The following SLCO3A1 variants were observed in gnomAD, a reference collection of about 807,000 sequenced individuals.
SLCO3A1 encodes PGE1 transporter.
In SLCO3A1, 27 loss-of-function variants were observed where a neutral mutation model predicts 63.1. The observed-to-expected ratio is 0.43, with a 90% CI of 0.32 to 0.59. The LOEUF (loss-of-function observed/expected upper bound fraction) is 0.59, where lower values mean the gene tolerates loss of function less well. Ranked by LOEUF, SLCO3A1 falls within the 20% of genes least tolerant of loss-of-function variation. The pLI is 0.09. For synonymous variants in SLCO3A1, 473 were observed against 409.9 expected, an observed-to-expected ratio of 1.15 and a Z score of -1.86; for missense variants, 773 against 945.8, an observed-to-expected ratio of 0.82 and a Z score of 2.40.
intron 1 of SLCO3A1, among the ~76,000 whole-genome samples, chr15:91,906,131 T>C (rs1476214348): frequency 6.6e-6 from 1 of 152,120 alleles, no homozygotes; most frequent in Non-Finnish European, 1.5e-5. Context: ...TAGTGGAGAG[T>C]AAGTGTGTCA....
intron 2 of SLCO3A1, among the ~76,000 whole-genome samples, chr15:91,949,450 C>T (rs1435518748): frequency 6.6e-6 from 1 of 150,928 alleles, no homozygotes; most frequent in Non-Finnish European, 1.5e-5. Flanking sequence ...GTCAACATGG[C>T]GAAACCCCAT....
At chr15:92,002,946 C>T (rs1039797840) in intron 2 of SLCO3A1, among the ~76,000 whole-genome samples, 24 of 152,128 alleles carry the variant, frequency 1.6e-4, no homozygotes, top group Admixed American at 6.5e-4. Context: ...CATCCCAAGC[C>T]TCAATTCTCA....
At chr15:91,987,795 A>T (rs956087185) in intron 2 of SLCO3A1, among the ~76,000 whole-genome samples, 2 of 152,020 alleles carry the variant, frequency 1.3e-5, no homozygotes, top group African/African-American at 4.8e-5. Context: ...CTCAAATGAC[A>T]TTCTGACATT....
chr15:91,963,141 A>G (rs1900514074), intron 2 of SLCO3A1, among the ~76,000 whole-genome samples: 1 of 152,124 alleles, frequency 6.6e-6, no homozygotes, highest in African/African-American at 2.4e-5. Flanking sequence ...ACACCTGTTT[A>G]ATCCTAAATA....
chr15:92,085,876 T>C (rs1464489624), intron 2 of SLCO3A1, among the ~76,000 whole-genome samples: 5 of 152,224 alleles, frequency 3.3e-5, no homozygotes, highest in African/African-American at 1.2e-4. Context: ...GAGTTAACTT[T>C]GCTGTTTGGA....
intron 2 of SLCO3A1, among the ~76,000 whole-genome samples, chr15:91,924,430 C>T (rs546197918): frequency 6.6e-6 from 1 of 152,272 alleles, no homozygotes; most frequent in Non-Finnish European, 1.5e-5. Context: ...CAAACACACA[C>T]GGTAGCTTGC....
downstream of SLCO3A1, among the ~76,000 whole-genome samples, chr15:92,169,924 T>C (rs1189732359): frequency 6.6e-6 from 1 of 152,242 alleles, no homozygotes; most frequent in East Asian, 1.9e-4. Flanking sequence ...ATCCAGACAT[T>C]TCCATTTTTG....
chr15:91,959,723 CAAA>C (rs34759500), intron 2 of SLCO3A1, among the ~76,000 whole-genome samples: 23 of 71,990 alleles, frequency 3.2e-4, no homozygotes, highest in African/African-American at 1.2e-3. Flanking sequence ...GACTCCATCT[CAAA>C]AAAAAAAAAA....
At chr15:91,861,521 G>A (rs919038171) in intron 1 of SLCO3A1, among the ~76,000 whole-genome samples, 2 of 152,116 alleles carry the variant, frequency 1.3e-5, no homozygotes, top group Non-Finnish European at 2.9e-5. Context: ...CGGAATAGTT[G>A]GTCATTAGTA....
At position 92,016,267 on chromosome 15, in the gene SLCO3A1, TAG is replaced by T. The variant is rs1255157675; in HGVS notation, c.647-78612_647-78611del. On this transcript the variant is annotated intron_variant, in intron 2 of 9. Coordinates refer to ENST00000318445, the MANE Select transcript of SLCO3A1 (RefSeq NM_013272.4). ...TAGATAGATAGATTAGATAGATAGA[TAG>T]ATAGATAGATAGATGTTATAGATAT... 7.1e-5 allele frequency among the ~76,000 whole-genome samples: 6 copies of T among 85,026 alleles called. No individual in the cohort carries two copies. In the East Asian group the frequency reaches 3.0e-3, roughly 42 times the overall value. The allele number at this position is 85,026 out of a possible 152,430, so 55.8% of individuals were successfully genotyped here.
At chr15:92,130,963 A>C (rs142024540) in intron 7 of SLCO3A1, among the ~76,000 whole-genome samples, 62 of 150,696 alleles carry the variant, frequency 4.1e-4, no homozygotes, top group African/African-American at 1.4e-3. Flanking sequence ...GATCCCCTGG[A>C]ATTCTCCACC....
chr15:92,005,623 C>G (rs563352138), intron 2 of SLCO3A1, among the ~76,000 whole-genome samples: 44 of 152,336 alleles, frequency 2.9e-4, no homozygotes, highest in African/African-American at 9.4e-4. Flanking sequence ...GAAATGCCAG[C>G]TGCCCAGCCT....
intron 2 of SLCO3A1, among the ~76,000 whole-genome samples, chr15:92,062,588 G>A (rs932180514): frequency 1.3e-5 from 2 of 152,230 alleles, no homozygotes; most frequent in Admixed American, 6.5e-5. Flanking sequence ...TTGGCAACAG[G>A]AGACTGGTTG....
intron 1 of SLCO3A1, among the ~76,000 whole-genome samples, chr15:91,903,312 A>C (rs1404965574): frequency 2.0e-5 from 3 of 152,216 alleles, no homozygotes; most frequent in Non-Finnish European, 4.4e-5. Flanking sequence ...GGAACTGCCC[A>C]AATTGCCTGG....
intron 2 of SLCO3A1, among the ~76,000 whole-genome samples, chr15:91,959,127 G>A (rs181304321): frequency 6.6e-6 from 1 of 152,300 alleles, no homozygotes; most frequent in African/African-American, 2.4e-5. Context: ...CAGCAACTTG[G>A]ATGGAGCTGG....
At position 91,871,778 on chromosome 15, in the gene SLCO3A1, T is replaced by TC. The variant is rs1208927827; in HGVS notation, c.180+17690_180+17691insC. On this transcript the variant is annotated intron_variant, in intron 1 of 9. Transcript: ENST00000318445. ...TGTTTTTTTTTGGTTTTTTTTTTTT[T>TC]TTTTTTTGGCTGATAAGTGTTTTAT... is the stretch of plus-strand genomic sequence containing the variant. Among the ~76,000 whole-genome samples, 669 of 148,056 alleles carry TC rather than the reference T, an allele frequency of 4.5e-3. 14 individuals carry two copies. The highest frequency in any genetic ancestry group is 0.014 in the African/African-American group (580 of 40,358).
intron 4 of SLCO3A1, among the ~76,000 whole-genome samples, chr15:92,106,331 C>T (rs1471793142): frequency 6.6e-6 from 1 of 152,114 alleles, no homozygotes; most frequent in African/African-American, 2.4e-5. Context: ...GTTGGAATGC[C>T]CCCGTCCTCA....
chr15:92,019,855 C>T (rs1368845417), intron 2 of SLCO3A1, among the ~76,000 whole-genome samples: 2 of 152,176 alleles, frequency 1.3e-5, no homozygotes, highest in African/African-American at 2.4e-5. Context: ...GGGTGCCCCA[C>T]AGCAGAGACC....
chr15:92,028,902 G>A (rs1049155678), intron 2 of SLCO3A1, among the ~76,000 whole-genome samples: 5 of 29,200 alleles, frequency 1.7e-4, no homozygotes, highest in African/African-American at 7.7e-4. Context: ...TTCAGCTGCA[G>A]GCACAAGTGT....
Sources: gnomAD v4.1 joint callset for allele counts (sites outside exome capture counted in the v4.1 genomes callset) on GRCh38, gnomAD v4.1.1 for gene constraint, MANE v1.5 for transcripts, NCBI Gene and HGNC (gene_info 2026-07-23, HGNC 2026-07-21) for gene names.